The following OR10J1 variants were observed in gnomAD, a reference collection of about 807,000 sequenced individuals.
OR10J1 encodes the protein olfactory receptor 10J1.
For synonymous variants in OR10J1, 202 were observed against 143.8 expected (o/e 1.40, Z -2.89); for missense variants, 474 against 376.6 (o/e 1.26, Z -2.14).
rs138497452 is a variant in OR10J1 at position 159,440,827 on chromosome 1, G to C, written c.*106G>C. On this transcript the variant is annotated 3_prime_UTR_variant, in exon 1 of 1. Coordinates refer to ENST00000423932, the MANE Select transcript of OR10J1 (RefSeq NM_012351.3). ...TCCTAGAGACCTGCCCCTTAAATAA[G>C]AGGCAAAAGAGGAATAGCAGTTTCA... 2,117 of 1,184,058 alleles carry C rather than the reference G, an allele frequency of 1.8e-3. 31 individuals are homozygous for C. The African/African-American group carries it at 0.025, about 14-fold the overall frequency. The allele number at this position is 1,184,058 out of a possible 1,614,324, so 73.3% of individuals were successfully genotyped here. A position where few individuals can be genotyped will look rare whatever the true frequency, so the allele number is the denominator to read the frequency against.
chr1:159,426,337 TAA>T, the OR10J1 span, among the ~76,000 whole-genome samples: 1 of 151,638 alleles, frequency 6.6e-6, no homozygotes, highest in Non-Finnish European at 1.5e-5. Flanking sequence ...AGTTGGAAAA[TAA>T]AGAGGCTGAA....
the OR10J1 span, among the ~76,000 whole-genome samples, chr1:159,418,398 G>A: frequency 6.6e-6 from 1 of 152,174 alleles, no homozygotes; most frequent in Non-Finnish European, 1.5e-5. Flanking sequence ...AGCCACCCTA[G>A]CCATGGTTAA....
chr1:159,406,950 G>C, the OR10J1 span, among the ~76,000 whole-genome samples: 1 of 152,224 alleles, frequency 6.6e-6, no homozygotes, highest in African/African-American at 2.4e-5. Flanking sequence ...GCCAGGCTGT[G>C]GGCGAGCCAC....
At chr1:159,413,982 C>T in the OR10J1 span, among the ~76,000 whole-genome samples, 1 of 151,610 alleles carries the variant, frequency 6.6e-6, no homozygotes, top group Non-Finnish European at 1.5e-5. Context: ...TAATATTTTA[C>T]ATATTTATGG....
chr1:159,403,039 G>A, the OR10J1 span, among the ~76,000 whole-genome samples: 2 of 151,996 alleles, frequency 1.3e-5, no homozygotes, highest in African/African-American at 4.8e-5. Context: ...AATGGTGCTG[G>A]GAAAACTGGG....
At chr1:159,421,962 T>C in the OR10J1 span, among the ~76,000 whole-genome samples, 1 of 152,008 alleles carries the variant, frequency 6.6e-6, no homozygotes, top group African/African-American at 2.4e-5. Flanking sequence ...GCAATGACAG[T>C]AATAGTGGCA....
Position 159,440,388 on chromosome 1 carries a change from G to T in OR10J1, c.597G>T (p.Leu199Phe). 1 of 1,614,142 alleles carries T rather than the reference G, an allele frequency of 6.2e-7. No homozygotes were observed. Among genetic ancestry groups the T allele is most frequent in the Non-Finnish European group, 8.5e-7 (1 of 1,180,018 alleles). The change falls in exon 1 of 1, where the codon TTG becomes TTT. Residue 199 changes from leucine (L) to phenylalanine (F), a missense_variant. Coordinates refer to ENST00000423932, the MANE Select transcript of OR10J1 (RefSeq NM_012351.3). The part of the protein sequence containing the change: ...IDTTVNEILT[L>F]IISVLVLVVP... The stretch of plus-strand genomic sequence containing the variant: ...CCACTGTCAATGAAATCCTGACTTT[G>T]ATTATCAGTGTGCTGGTGCTTGTTG...
the OR10J1 span, among the ~76,000 whole-genome samples, chr1:159,413,369 G>A: frequency 6.6e-6 from 1 of 151,708 alleles, no homozygotes; most frequent in Non-Finnish European, 1.5e-5. Context: ...AAATCATGCT[G>A]CTATAAAGAC....
At chr1:159,412,600 T>A in the OR10J1 span, among the ~76,000 whole-genome samples, 1 of 150,308 alleles carries the variant, frequency 6.7e-6, no homozygotes, top group African/African-American at 2.5e-5. Context: ...GATTCCCTAT[T>A]TAATAAATGG....
the OR10J1 span, among the ~76,000 whole-genome samples, chr1:159,403,685 C>T: frequency 6.6e-6 from 1 of 152,102 alleles, no homozygotes; most frequent in African/African-American, 2.4e-5. Flanking sequence ...ATTAGCACAA[C>T]CATTATGGAG....
chr1:159,420,851 G>T, the OR10J1 span, among the ~76,000 whole-genome samples: 1 of 151,838 alleles, frequency 6.6e-6, no homozygotes, highest in Non-Finnish European at 1.5e-5. Context: ...TTTGACTTTT[G>T]ACATTTTGAG....
the OR10J1 span, among the ~76,000 whole-genome samples, chr1:159,428,423 C>T: frequency 1.3e-5 from 2 of 152,066 alleles, no homozygotes; most frequent in Admixed American, 6.6e-5. Flanking sequence ...ATCGGGTTTC[C>T]TTTTCTTTCT....
chr1:159,427,276 G>A, the OR10J1 span, among the ~76,000 whole-genome samples: 3 of 151,542 alleles, frequency 2.0e-5, no homozygotes, highest in Non-Finnish European at 4.4e-5. Flanking sequence ...CAAAAGAGTA[G>A]CAAATCTAGA....
chr1:159,405,902 C>A, the OR10J1 span: 1 of 570,768 alleles, frequency 1.8e-6, no homozygotes, highest in Admixed American at 2.4e-5. Flanking sequence ...GTTACTTGGA[C>A]AATAGCCATG....
chr1:159,405,559 CTGTTCT>C, the OR10J1 span: 2 of 352,756 alleles, frequency 5.7e-6, no homozygotes, highest in South Asian at 3.1e-5. Context: ...TGAGATGAGT[CTGTTCT>C]GCCCCAGGAA....
chr1:159,431,038 A>G, the OR10J1 span, among the ~76,000 whole-genome samples: 5 of 152,106 alleles, frequency 3.3e-5, no homozygotes, highest in Non-Finnish European at 5.9e-5. Flanking sequence ...TCTATAAAAA[A>G]CCTTCCAAGC....
chr1:159,440,496 G>A lies in OR10J1; in HGVS notation c.705G>A (p.Lys235=), dbSNP rs1221851722. Residue 235 remains lysine (K), a synonymous_variant, in exon 1 of 1, where the codon AAG becomes AAA. Coordinates refer to ENST00000423932, the MANE Select transcript of OR10J1 (RefSeq NM_012351.3). ...TTGCTTCAGTTGAGGGCCGGAAGAAGGCTTTTGCCACCTGTGCATCCCACC... is the reference window on the plus strand; with the variant it reads ...TTGCTTCAGTTGAGGGCCGGAAGAAAGCTTTTGCCACCTGTGCATCCCACC... ...LKIASVEGRK[K]AFATCASHLT... 1 of 1,614,090 alleles carries A rather than the reference G, an allele frequency of 6.2e-7. No homozygotes were observed. Among genetic ancestry groups the A allele is most frequent in the East Asian group, 2.2e-5 (1 of 44,876 alleles).
chr1:159,412,026 A>C, the OR10J1 span, among the ~76,000 whole-genome samples: 2 of 152,150 alleles, frequency 1.3e-5, no homozygotes, highest in East Asian at 3.9e-4. Context: ...AATCACAAGC[A>C]TTCTTATACA....
the OR10J1 span, among the ~76,000 whole-genome samples, chr1:159,422,335 G>T: frequency 6.6e-6 from 1 of 152,308 alleles, no homozygotes; most frequent in African/African-American, 2.4e-5. Context: ...CTACTGAGGA[G>T]GGTGGAGTTG....
Sources: gnomAD v4.1 joint callset for allele counts (sites outside exome capture counted in the v4.1 genomes callset) on GRCh38, gnomAD v4.1.1 for gene constraint, MANE v1.5 for transcripts, NCBI Gene and HGNC (gene_info 2026-07-23, HGNC 2026-07-21) for gene names.